TMEM232: variants seen among roughly 807,000 people sequenced by gnomAD.
TMEM232 encodes transmembrane protein 232.
TMEM232 carries 80 observed loss-of-function variants against 78.8 expected under a neutral mutation model. The ratio of observed to expected loss-of-function variants is 1.01; its 90% CI spans 0.85 to 1.22. The LOEUF is 1.22. TMEM232 is among the 50% of genes most tolerant of loss of function. The pLI is 0.00. For synonymous variants in TMEM232, 297 were observed against 254.3 expected, an observed-to-expected ratio of 1.17 and a Z score of -1.60; for missense variants, 881 against 742.2, an observed-to-expected ratio of 1.19 and a Z score of -2.17.
intron 10 of TMEM232, among the ~76,000 whole-genome samples, chr5:110,603,453 A>G (rs1260362747): frequency 6.6e-6 from 1 of 152,106 alleles, no homozygotes; most frequent in Non-Finnish European, 1.5e-5. Flanking sequence ...GGGAGTAAAG[A>G]TTCTTCCCAT....
chr5:110,471,503 G>C (rs1762677413), intron 12 of TMEM232, among the ~76,000 whole-genome samples: 3 of 151,776 alleles, frequency 2.0e-5, no homozygotes, highest in Admixed American at 2.0e-4. Flanking sequence ...TTTAAAGACA[G>C]CAAGAAAAAA....
intron 2 of TMEM232, among the ~76,000 whole-genome samples, chr5:110,648,103 T>C (rs1787771004): frequency 6.6e-6 from 1 of 151,812 alleles, no homozygotes; most frequent in South Asian, 2.1e-4. Context: ...AGAAAAGCCT[T>C]AAAAAGGGAA....
At chr5:110,477,463 T>A (rs1561544348) in intron 12 of TMEM232, among the ~76,000 whole-genome samples, 1 of 151,940 alleles carries the variant, frequency 6.6e-6, no homozygotes, top group Non-Finnish European at 1.5e-5. Context: ...TTGTGGTTTT[T>A]TAGTCAAATA....
At chr5:110,676,050 T>G (rs1465068222) in intron 1 of TMEM232, among the ~76,000 whole-genome samples, 1 of 152,244 alleles carries the variant, frequency 6.6e-6, no homozygotes, top group East Asian at 1.9e-4. Flanking sequence ...CTTATTTCAC[T>G]TAGCACAGTG....
chr5:110,491,843 A>G (rs1440328008), intron 12 of TMEM232, among the ~76,000 whole-genome samples: 1 of 151,924 alleles, frequency 6.6e-6, no homozygotes, highest in Non-Finnish European at 1.5e-5. Flanking sequence ...AAATATGGGA[A>G]AAGTAAGTAA....
At chr5:110,522,863 G>GGT (rs1237884562) in intron 12 of TMEM232, among the ~76,000 whole-genome samples, 4 of 152,046 alleles carry the variant, frequency 2.6e-5, no homozygotes, top group Admixed American at 1.3e-4. Context: ...AAAAGTTATT[G>GGT]GTGTATAATT....
chr5:110,642,557 T>G (rs1786891318), intron 2 of TMEM232, among the ~76,000 whole-genome samples, 186 bp from the exon 3 acceptor site: 1 of 152,126 alleles, frequency 6.6e-6, no homozygotes. Context: ...CCTGTCATAC[T>G]CTTAGATTGA....
intron 1 of TMEM232, among the ~76,000 whole-genome samples, chr5:110,690,004 T>G (rs953367334): frequency 5.3e-5 from 8 of 152,158 alleles, no homozygotes; most frequent in African/African-American, 1.9e-4. Context: ...TTTAAAAACT[T>G]AAATGTAAAA....
rs1273450227 is a variant in TMEM232, at chr5:110,662,978, AT to A, written c.125+4249del. On this transcript the variant is annotated intron_variant, in intron 2 of 13. Coordinates refer to ENST00000455884, the MANE Select transcript of TMEM232 (RefSeq NM_001039763.4). ...ATAAAAGATTGATATATCTGACTTT[AT>A]AAAAATTAATAAGTTCTAGTCACTA... 4.6e-5 allele frequency among the ~76,000 whole-genome samples: 7 copies of A among 152,284 alleles called. No homozygotes were observed. In the East Asian group the frequency reaches 1.2e-3, roughly 25 times the overall value.
At chr5:110,483,617 G>A (rs1171941551) in intron 12 of TMEM232, among the ~76,000 whole-genome samples, 1 of 151,822 alleles carries the variant, frequency 6.6e-6, no homozygotes, top group Non-Finnish European at 1.5e-5. Context: ...GGGAAGGGGG[G>A]AGGGATAGCA....
At chr5:110,514,040 C>G (rs73785470) in intron 12 of TMEM232, 6,581 of 167,298 alleles carry the variant, frequency 0.039, 206 homozygotes, top group African/African-American at 0.085. Flanking sequence ...TTTATTTAAA[C>G]TCAATTATTT....
intron 10 of TMEM232, among the ~76,000 whole-genome samples, chr5:110,603,215 G>A (rs1781165891): frequency 6.6e-6 from 1 of 151,820 alleles, no homozygotes; most frequent in African/African-American, 2.4e-5. Context: ...GAAGAAGATG[G>A]GTTTTAAAAC....
chr5:110,524,403 GAAAGAAA>G (rs1770184445), intron 12 of TMEM232, among the ~76,000 whole-genome samples: 1 of 76,684 alleles, frequency 1.3e-5, no homozygotes, highest in African/African-American at 5.0e-5. Context: ...AAGAAAGAAA[GAAAGAAA>G]GAAAGAAAAG....
At chr5:110,456,243 A>C (rs759278459) in intron 12 of TMEM232, among the ~76,000 whole-genome samples, 2 of 152,196 alleles carry the variant, frequency 1.3e-5, no homozygotes, top group Admixed American at 6.5e-5. Context: ...CAGTATACAA[A>C]AACCAATTGT....
At chr5:110,423,780 CGTGTGTGTGTGTGTGT>C (rs146104536) in intron 13 of TMEM232, among the ~76,000 whole-genome samples, 1 of 142,390 alleles carries the variant, frequency 7.0e-6, no homozygotes, top group Non-Finnish European at 1.6e-5. Context: ...TTTATGCGTG[CGTGTGTGTGTGTGTGT>C]GTGTGTGTGT....
At chr5:110,632,893 C>T (rs551606327) in intron 5 of TMEM232, among the ~76,000 whole-genome samples, 5 of 152,176 alleles carry the variant, frequency 3.3e-5, no homozygotes, top group Admixed American at 6.5e-5. Context: ...ACATCCAGAT[C>T]GAGAAGACCC....
intron 10 of TMEM232, among the ~76,000 whole-genome samples, chr5:110,594,770 A>G (rs1779949026): frequency 6.6e-6 from 1 of 152,232 alleles, no homozygotes; most frequent in South Asian, 2.1e-4. Context: ...TCTGAAAGAA[A>G]GGCAGCAGCC....
At chr5:110,435,313 A>T (rs768635539) in intron 12 of TMEM232, among the ~76,000 whole-genome samples, 6 of 151,628 alleles carry the variant, frequency 4.0e-5, no homozygotes, top group Non-Finnish European at 7.4e-5. Flanking sequence ...TTAATGTTTA[A>T]ATGTTACTTT....
At chr5:110,582,165 C>T (rs1275442484) in intron 10 of TMEM232, among the ~76,000 whole-genome samples, 3 of 151,824 alleles carry the variant, frequency 2.0e-5, no homozygotes, top group Non-Finnish European at 4.4e-5. Context: ...TGCGTATATA[C>T]CCAGAAGAAA....
Sources: gnomAD v4.1 joint callset for allele counts (sites outside exome capture counted in the v4.1 genomes callset) on GRCh38, gnomAD v4.1.1 for gene constraint, MANE v1.5 for transcripts, NCBI Gene and HGNC (gene_info 2026-07-23, HGNC 2026-07-21) for gene names.